The following MYO5B variants were observed in gnomAD, a reference collection of about 807,000 sequenced individuals.
MYO5B encodes unconventional myosin-Vb.
A neutral mutation model predicts 229.3 loss-of-function variants in MYO5B; 143 were observed. The observed-to-expected ratio is 0.62, with a 90% CI of 0.54 to 0.72. The LOEUF (loss-of-function observed/expected upper bound fraction) is 0.72. MYO5B is among the 30% of genes least tolerant of loss of function. The pLI, the probability that MYO5B is intolerant of heterozygous loss-of-function variation, is 0.00. For synonymous variants in MYO5B, 918 were observed against 885.2 expected, an observed-to-expected ratio of 1.04 and a Z score of -0.66; for missense variants, 2,321 against 2,331.0, an observed-to-expected ratio of 1.00 and a Z score of 0.09.
rs1158855845 is a variant in MYO5B at position 49,926,251 on chromosome 18, A to G, written c.2090+3261T>C. ...AGGTCAAATGTAAATTCCTAATTCC[A>G]TCTGCAGCTTCCTTCTCAGGCCAAA... On this transcript the variant is annotated intron_variant, in intron 17 of 39. Transcript: ENST00000285039. 2.6e-5 allele frequency among the ~76,000 whole-genome samples: 4 copies of G among 152,196 alleles called. No individual in the cohort carries two copies. The East Asian group carries it at 7.7e-4, about 29-fold the overall frequency.
intron 14 of MYO5B, among the ~76,000 whole-genome samples, chr18:49,952,650 CT>C (rs1402301713): frequency 6.6e-6 from 1 of 152,132 alleles, no homozygotes; most frequent in African/African-American, 2.4e-5. Context: ...GCCTTCTTTC[CT>C]CTACCTGTAG....
rs1425468997 is a variant in MYO5B at position 49,822,845 on chromosome 18, T to C, written c.*3626A>G. ...AAAAGTATTTATTTCCACAAATTTTTATCCACAGCTAAATATTACAGTGAC... is the reference window on the plus strand; with the variant it reads ...AAAAGTATTTATTTCCACAAATTTTCATCCACAGCTAAATATTACAGTGAC... On this transcript the variant is annotated 3_prime_UTR_variant, in exon 40 of 40. Transcript: ENST00000285039. The C allele has an allele frequency of 6.6e-6, 1 of 152,258 alleles. No individual in the cohort carries two copies. The highest frequency in any genetic ancestry group is 2.4e-5 in the African/African-American group (1 of 41,474). 9.4% of individuals were successfully genotyped at this position (152,258 alleles called of 1,614,324 possible).
intron 5 of MYO5B, among the ~76,000 whole-genome samples, chr18:49,996,726 A>G (rs922867039): frequency 7.9e-5 from 12 of 152,274 alleles, no homozygotes; most frequent in Admixed American, 6.5e-5. Context: ...ATGCCCCAGT[A>G]TGGGAAAAGC....
At chr18:50,160,994 G>A (rs2032757161) in intron 1 of MYO5B, among the ~76,000 whole-genome samples, 1 of 152,142 alleles carries the variant, frequency 6.6e-6, no homozygotes, top group South Asian at 2.1e-4. Context: ...GGGCTCTCAA[G>A]GCCACCCTCA....
chr18:49,896,147 G>C (rs2024776632), intron 21 of MYO5B, among the ~76,000 whole-genome samples: 1 of 152,154 alleles, frequency 6.6e-6, no homozygotes, highest in East Asian at 1.9e-4. Flanking sequence ...GTGAAGAGCA[G>C]CAAAAGAAAA....
intron 16 of MYO5B, among the ~76,000 whole-genome samples, chr18:49,933,452 G>A (rs1043974270): frequency 1.2e-4 from 19 of 152,224 alleles, no homozygotes; most frequent in African/African-American, 4.6e-4. Context: ...CCTAGTAAGA[G>A]GTATGATAGA....
chr18:49,894,004 A>G (rs1481744822), intron 22 of MYO5B, among the ~76,000 whole-genome samples: 1 of 152,210 alleles, frequency 6.6e-6, no homozygotes, highest in East Asian at 1.9e-4. Flanking sequence ...ACTTTTATAA[A>G]TATACACACA....
chr18:50,152,318 A>G (rs1240931062), intron 1 of MYO5B, among the ~76,000 whole-genome samples: 1 of 152,226 alleles, frequency 6.6e-6, no homozygotes, highest in African/African-American at 2.4e-5. Context: ...TTAACCCACA[A>G]CGAGGGCACT....
chr18:50,028,367 A>G (rs563801424), intron 4 of MYO5B, among the ~76,000 whole-genome samples: 1 of 152,330 alleles, frequency 6.6e-6, no homozygotes, highest in East Asian at 1.9e-4. Context: ...GTACCTCATC[A>G]CGTCACATTC....
intron 5 of MYO5B, among the ~76,000 whole-genome samples, chr18:49,996,566 C>T (rs1256161714): frequency 1.3e-5 from 2 of 152,094 alleles, no homozygotes; most frequent in African/African-American, 4.8e-5. Flanking sequence ...AATATGCTAC[C>T]AACTACTTAT....
At chr18:49,984,569 G>C (rs1288932636) in intron 8 of MYO5B, 149 bp downstream of exon 8, 1 of 706,712 alleles carries the variant, frequency 1.4e-6, no homozygotes, top group South Asian at 1.5e-5. Context: ...ATGGGTAAGA[G>C]AGTAAGAGAT....
chr18:50,146,923 G>C (rs751965691), intron 1 of MYO5B, among the ~76,000 whole-genome samples: 1 of 152,164 alleles, frequency 6.6e-6, no homozygotes, highest in Admixed American at 6.5e-5. Context: ...GTATAATTCT[G>C]TACTCCCTGT....
At chr18:50,090,267 C>T (rs547289697) in intron 1 of MYO5B, among the ~76,000 whole-genome samples, 5 of 149,502 alleles carry the variant, frequency 3.3e-5, no homozygotes, top group African/African-American at 1.2e-4. Context: ...CATTTGAGCC[C>T]AGGAGGTTGA....
intron 1 of MYO5B, among the ~76,000 whole-genome samples, chr18:50,182,797 A>G (rs2033091117): frequency 6.6e-6 from 1 of 152,152 alleles, no homozygotes; most frequent in Non-Finnish European, 1.5e-5. Context: ...CTTGGTGAGG[A>G]GAGGACTTTC....
chr18:50,101,229 C>T (rs1199930327), intron 1 of MYO5B, among the ~76,000 whole-genome samples: 6 of 152,146 alleles, frequency 3.9e-5, no homozygotes. Flanking sequence ...TGTATATGTA[C>T]ATCAAAGCAT....
chr18:49,912,655 G>A (rs954668644), intron 17 of MYO5B, among the ~76,000 whole-genome samples: 1 of 152,156 alleles, frequency 6.6e-6, no homozygotes, highest in Non-Finnish European at 1.5e-5. Context: ...TCTCTTGCCT[G>A]CCGCCATGTA....
At chr18:50,176,154 C>T (rs900682263) in intron 1 of MYO5B, among the ~76,000 whole-genome samples, 3 of 152,148 alleles carry the variant, frequency 2.0e-5, no homozygotes, top group Non-Finnish European at 2.9e-5. Context: ...TATATTATCA[C>T]GGAATCACAT....
chr18:50,038,820 G>A (rs2029913110), intron 3 of MYO5B, among the ~76,000 whole-genome samples: 2 of 152,086 alleles, frequency 1.3e-5, no homozygotes, highest in South Asian at 2.1e-4. Context: ...CCTAAAATAG[G>A]AGTCAAATTT....
intron 1 of MYO5B, among the ~76,000 whole-genome samples, chr18:50,078,353 G>A (rs1467561816): frequency 6.6e-6 from 1 of 152,190 alleles, no homozygotes; most frequent in African/African-American, 2.4e-5. Flanking sequence ...ACAAAGGCGA[G>A]AAAGCACATT....
Sources: allele counts gnomAD v4.1 joint callset (sites outside exome capture counted in the v4.1 genomes callset), GRCh38; gene constraint gnomAD v4.1.1; transcripts MANE v1.5; gene names NCBI Gene and HGNC (gene_info 2026-07-23, HGNC 2026-07-21).